The following MAN2C1 variants were observed in gnomAD, a reference collection of about 807,000 sequenced individuals.
MAN2C1 encodes mannosidase alpha class 2C member 1.
In MAN2C1, 111 loss-of-function variants were observed where a neutral mutation model predicts 126.9. That is an observed-to-expected ratio of 0.87 (90% CI 0.75 to 1.02). MAN2C1 has a LOEUF of 1.02. MAN2C1 is among the 50% of genes least tolerant of loss of function. The pLI is 0.00. For synonymous variants in MAN2C1, 567 were observed against 561.5 expected (o/e 1.01, Z -0.14); for missense variants, 1,363 against 1,364.4 (o/e 1.00, Z 0.02).
At position 75,356,657 on chromosome 15, in the gene MAN2C1, T is replaced by C; in HGVS notation, c.2686A>G (p.Thr896Ala). The C allele has an allele frequency of 6.3e-7, 1 of 1,580,838 alleles. No homozygotes were observed. The highest frequency in any genetic ancestry group is 8.6e-7 in the Non-Finnish European group (1 of 1,163,778). ...LLRAPKAPDA[T>A]ADTGRHEFTY... ...AACTCGTGGCGCCCCGTGTCAGCAG[T>C]AGCGTCCGGGGCTTTAGGCGCCCGC... is the stretch of plus-strand genomic sequence containing the variant. Residue 896 changes from threonine to alanine, a missense_variant, in exon 23 of 26, where the codon ACT becomes GCT. Around this residue, in one of 3 missense-constraint regions of MAN2C1, gnomAD observed 668 missense variants for 650.1 expected, o/e 1.03. Transcript: ENST00000267978. This position sits in a 1 kb window ranked among gnomAD's most constrained non-coding sequence, Gnocchi z 5.8.
In MAN2C1 at chr15:75,361,544, C is replaced by G; in HGVS notation, c.1218+60G>C. ...AGGACCCCACAATAAGGGGGAGAGGCAAATGGGCCAGGCGGGACTGAGGCC... is the reference window on the plus strand; with the variant it reads ...AGGACCCCACAATAAGGGGGAGAGGGAAATGGGCCAGGCGGGACTGAGGCC... On this transcript the variant is annotated intron_variant, in intron 10 of 25. Transcript: ENST00000267978. The surrounding 1 kb of genome is among the most constrained non-coding windows in gnomAD (Gnocchi z 5.0). The G allele has an allele frequency of 2.9e-6, 4 of 1,400,552 alleles. No homozygotes were observed. In the Admixed American group the frequency reaches 6.7e-5, roughly 23 times the overall value. The allele number at this position is 1,400,552 out of a possible 1,614,324, so 86.8% of individuals were successfully genotyped here.
chr15:75,356,478 T>TG lies in MAN2C1; in HGVS notation c.2738-30dup, dbSNP rs1567269307. On this transcript the variant is annotated intron_variant, in intron 23 of 25. Coordinates refer to ENST00000267978, the MANE Select transcript of MAN2C1 (RefSeq NM_006715.4). The surrounding 1 kb of genome is among the most constrained non-coding windows in gnomAD (Gnocchi z 5.8). ...GGGTACGACCAGGAAACAATGCTGG[T>TG]GGAGAATGGGGGCTACCCTCCCCTG... The TG allele has an allele frequency of 6.3e-7, 1 of 1,578,552 alleles. No homozygotes were observed. The highest frequency in any genetic ancestry group is 1.2e-5 in the South Asian group (1 of 85,892).
intron 18 of MAN2C1, 35 bp from the exon 19 acceptor site, chr15:75,358,843 CTGACCTCGCTGTCTCCAGCTGCTCTTGG>C (rs2072402539): frequency 6.5e-7 from 1 of 1,544,788 alleles, no homozygotes; most frequent in Non-Finnish European, 8.9e-7. Context: ...GTACAACCAA[CTGACCTCGCTGTCTCCAGCTGCTCTTGG>C]TGGGGTAGGG....
In MAN2C1 at chr15:75,356,795, C is replaced by T. The variant is rs137900637; in HGVS notation, c.2655G>A (p.Ser885=). The stretch of plus-strand genomic sequence containing the variant: ...GGCCTGGTGGGTACCCCACTTACAG[C>T]GAGAGGCTGAGGATGCTGCCTCGCA... ...ASVRGSILSL[S]LLRAPKAPDA... The change falls in exon 22 of 26, where the codon TCG becomes TCA. Residue 885 remains serine, a splice_region_variant and synonymous_variant. Transcript: ENST00000267978. The surrounding 1 kb of genome is among the most constrained non-coding windows in gnomAD (Gnocchi z 5.8). 1.1e-5 allele frequency: 17 copies of T among 1,613,880 alleles called. No individual in the cohort carries two copies. The African/African-American group carries it at 1.6e-4, about 15-fold the overall frequency.
rs780701191 is a variant in MAN2C1 at position 75,356,655 on chromosome 15, A to C, written c.2688T>G (p.Thr896=). Residue 896 remains threonine (T), a synonymous_variant, in exon 23 of 26, where the codon ACT becomes ACG. Coordinates refer to ENST00000267978, the MANE Select transcript of MAN2C1 (RefSeq NM_006715.4). The surrounding 1 kb of genome is among the most constrained non-coding windows in gnomAD (Gnocchi z 5.8). ...TGAACTCGTGGCGCCCCGTGTCAGC[A>C]GTAGCGTCCGGGGCTTTAGGCGCCC... ...LLRAPKAPDA[T]ADTGRHEFTY... 1.9e-6 allele frequency: 3 copies of C among 1,580,248 alleles called. No individual in the cohort carries two copies. The highest frequency in any genetic ancestry group is 2.6e-6 in the Non-Finnish European group (3 of 1,163,362).
At chr15:75,368,377 C>G (rs914936503) in intron 1 of MAN2C1, 106 bp downstream of exon 1, 3 of 1,397,046 alleles carry the variant, frequency 2.1e-6, no homozygotes. Flanking sequence ...CCGCGGCGGG[C>G]ACTTTGTCCC....
Position 75,361,119 on chromosome 15 carries a change from C to A in MAN2C1, c.1387G>T (p.Asp463Tyr). 6.2e-7 allele frequency: 1 copy of A among 1,613,266 alleles called. No individual in the cohort carries two copies. Among genetic ancestry groups the A allele is most frequent in the Non-Finnish European group, 8.5e-7 (1 of 1,179,748 alleles). The change falls in exon 12 of 26, where the codon GAT becomes TAT. Residue 463 changes from aspartate (D) to tyrosine (Y), a missense_variant. By Grantham distance (160) the Asp-to-Tyr change is radical. Transcript: ENST00000267978. This position sits in a 1 kb window ranked among gnomAD's most constrained non-coding sequence, Gnocchi z 5.0. ...GTCTGGGTGGGGCCACCACCCCCAT[C>A]CCCAAAGCCAAAGAGGAAGGCACTG... The part of the protein sequence containing the change: ...NHSAFLFGFG[D>Y]GGGGPTQTML...
chr15:75,365,767 C>T (rs967715424), intron 4 of MAN2C1: 4 of 191,142 alleles, frequency 2.1e-5, no homozygotes, highest in Non-Finnish European at 4.5e-5. Context: ...ACAAAAAAAA[C>T]TATGCCGGAA....
intron 13 of MAN2C1, 113 bp from the exon 14 acceptor site, chr15:75,360,324 A>G: frequency 6.8e-7 from 1 of 1,475,750 alleles, no homozygotes; most frequent in Non-Finnish European, 9.2e-7. Context: ...CTCGTGGAGA[A>G]GGCCTCTGGC....
At chr15:75,368,313 C>A in intron 1 of MAN2C1, 115 bp from the exon 2 acceptor site, 1 of 1,482,506 alleles carries the variant, frequency 6.7e-7, no homozygotes, top group Non-Finnish European at 9.0e-7. Context: ...GGCTGCCTGG[C>A]CGCTCCGCGG....
rs759387214 is a variant in MAN2C1, at chr15:75,358,464, C to T, written c.2401G>A (p.Glu801Lys). 14 of 1,613,420 alleles carry T rather than the reference C, an allele frequency of 8.7e-6. No homozygotes were observed. The Admixed American group carries it at 1.2e-4, about 13-fold the overall frequency. The change falls in exon 20 of 26, where the codon GAG becomes AAG. Residue 801 changes from glutamate to lysine, a missense_variant and splice_region_variant. This residue lies in a region of MAN2C1 where 668 missense variants were observed against 650.1 expected (regional missense o/e 1.03). Transcript: ENST00000267978. ...GCCACCCCCTACCCCCCGACTACCT[C>T]GGTGTGGAAGCGGACATAGGGGCAG... ...VGCPYVRFHT[E>K]VHWHEAHKFL...
chr15:75,355,871 G>A lies in MAN2C1; in HGVS notation c.*35C>T, dbSNP rs1128989. 6.2e-7 allele frequency: 1 copy of A among 1,613,112 alleles called. No homozygotes were observed. ...GGGAAGCAGAAATTAGGAGTCCCCA[G>A]AGCCTTCTACAAACAAAACCCCAGC... On this transcript the variant is annotated 3_prime_UTR_variant, in exon 26 of 26. Transcript: ENST00000267978.
At chr15:75,365,939 T>A (rs78808418) in intron 4 of MAN2C1, 7 of 430,228 alleles carry the variant, frequency 1.6e-5, no homozygotes, top group Non-Finnish European at 1.8e-5. Flanking sequence ...AAAAAAAAAA[T>A]AGCTGGACGT....
At chr15:75,367,841 G>T in intron 2 of MAN2C1, 1 of 853,194 alleles carries the variant, frequency 1.2e-6, no homozygotes, top group South Asian at 1.8e-5. Context: ...GATCCCTAGG[G>T]TGCCCTTCCT....
rs375630686 is a variant in MAN2C1 at position 75,356,234 on chromosome 15, G to T, written c.2887-15C>A. 5 of 1,612,766 alleles carry T rather than the reference G, an allele frequency of 3.1e-6. No individual in the cohort carries two copies. Among genetic ancestry groups the T allele is most frequent in the Non-Finnish European group, 4.2e-6 (5 of 1,179,710 alleles). ...CTGCTCTCCGCCTGCAGAGGAACAC[G>T]TCTGGTGGGAGGGGCCGAGGGCAGG... On this transcript the variant is annotated splice_polypyrimidine_tract_variant and intron_variant, in intron 24 of 25. Coordinates refer to ENST00000267978, the MANE Select transcript of MAN2C1 (RefSeq NM_006715.4). The surrounding 1 kb of genome is among the most constrained non-coding windows in gnomAD (Gnocchi z 5.8).
intron 21 of MAN2C1, among the ~76,000 whole-genome samples, chr15:75,357,539 C>T (rs2072356337): frequency 6.6e-6 from 1 of 151,994 alleles, no homozygotes; most frequent in Non-Finnish European, 1.5e-5. Context: ...GATCTCTTGA[C>T]CTCGTGATCC....
chr15:75,359,431 G>T lies in MAN2C1; in HGVS notation c.1949-6C>A. 1 of 1,607,448 alleles carries T rather than the reference G, an allele frequency of 6.2e-7. No homozygotes were observed. ...GCTGGGCACTGTCACCAGGGCTGGG[G>T]GTGAGGCCTGGGCATCAGTGCAGCC... On this transcript the variant is annotated splice_polypyrimidine_tract_variant and splice_region_variant and intron_variant, in intron 16 of 25. Transcript: ENST00000267978.
At chr15:75,365,836 G>A (rs976513427) in intron 4 of MAN2C1, 3 of 323,480 alleles carry the variant, frequency 9.3e-6, no homozygotes, top group African/African-American at 4.6e-5. Context: ...TGTAATTCCA[G>A]CATTTTGGGA....
chr15:75,361,063 A>C lies in MAN2C1; in HGVS notation c.1443T>G (p.Asn481Lys). ...TMLDRLKRLS[N>K]TDGLPRVQLS... ...GGCCTGACCTGGGCAGCCCATCCGTATTGCTCAGGCGCTTCAGGCGGTCCA... is the reference window on the plus strand; with the variant it reads ...GGCCTGACCTGGGCAGCCCATCCGTCTTGCTCAGGCGCTTCAGGCGGTCCA... The change falls in exon 12 of 26, where the codon AAT (asparagine) becomes AAG (lysine). Residue 481 changes from asparagine to lysine, a missense_variant. Coordinates refer to ENST00000267978, the MANE Select transcript of MAN2C1 (RefSeq NM_006715.4). The surrounding 1 kb of genome is among the most constrained non-coding windows in gnomAD (Gnocchi z 5.0). 9 of 1,611,094 alleles carry C rather than the reference A, an allele frequency of 5.6e-6. No homozygotes were observed. Among genetic ancestry groups the C allele is most frequent in the Non-Finnish European group, 7.6e-6 (9 of 1,178,986 alleles).
Sources: gnomAD v4.1 joint callset for allele counts (sites outside exome capture counted in the v4.1 genomes callset) on GRCh38, gnomAD v4.1.1 for gene constraint, gnomAD v4.1.1 regional missense constraint, Gnocchi (gnomAD v3.1) non-coding constraint, MANE v1.5 for transcripts, NCBI Gene and HGNC (gene_info 2026-07-23, HGNC 2026-07-21) for gene names.